SDK2: variants seen among roughly 807,000 people sequenced by gnomAD.
SDK2 encodes protein sidekick-2.
SDK2 carries 105 observed loss-of-function variants against 253.9 expected under a neutral mutation model. The observed-to-expected ratio is 0.41, with a 90% confidence interval of 0.35 to 0.49. The LOEUF is 0.49. SDK2 is among the 20% of genes least tolerant of loss of function. The pLI is 0.06. For synonymous variants in SDK2, 1,249 were observed against 1,234.9 expected (o/e 1.01, Z -0.24); for missense variants, 2,608 against 3,003.0 (o/e 0.87, Z 3.07).
intron 4 of SDK2, among the ~76,000 whole-genome samples, chr17:73,448,395 C>A (rs1004839718): frequency 6.6e-6 from 1 of 151,724 alleles, no homozygotes; most frequent in African/African-American, 2.4e-5. Flanking sequence ...GAGACAGTCT[C>A]GATCTGTTGC....
At chr17:73,429,685 G>A (rs1236846203) in intron 12 of SDK2, among the ~76,000 whole-genome samples, 1 of 152,206 alleles carries the variant, frequency 6.6e-6, no homozygotes, top group Non-Finnish European at 1.5e-5. Flanking sequence ...TCATAAAATA[G>A]AGAAGCAACA....
chr17:73,412,067 T>TATACAC (rs1568389373), intron 18 of SDK2, among the ~76,000 whole-genome samples: 2 of 25,214 alleles, frequency 7.9e-5, no homozygotes, highest in South Asian at 8.6e-4. Context: ...TATGTATATA[T>TATACAC]ACGTATATAT....
intron 1 of SDK2, among the ~76,000 whole-genome samples, chr17:73,539,487 G>C (rs1343401589): frequency 2.0e-5 from 3 of 151,280 alleles, no homozygotes; most frequent in Admixed American, 6.6e-5. Context: ...ACGCTGATGG[G>C]GAGAGGAGAG....
At chr17:73,389,314 GC>G (rs1435226520) in intron 29 of SDK2, among the ~76,000 whole-genome samples, 2 of 147,328 alleles carry the variant, frequency 1.4e-5, no homozygotes, top group Non-Finnish European at 2.9e-5. Flanking sequence ...CTTCCAAGTA[GC>G]TGGGGTTACT....
At chr17:73,595,058 C>G (rs762085036) in intron 1 of SDK2, among the ~76,000 whole-genome samples, 2 of 152,190 alleles carry the variant, frequency 1.3e-5, no homozygotes, top group African/African-American at 2.4e-5. Flanking sequence ...AAGACTTCGG[C>G]CTGTTTCTGT....
At chr17:73,353,920 G>A (rs139563580) in intron 40 of SDK2, among the ~76,000 whole-genome samples, 218 of 152,132 alleles carry the variant, frequency 1.4e-3, no homozygotes, top group African/African-American at 5.0e-3. Context: ...GGCCAGGCTG[G>A]TCTTGAACTC....
chr17:73,380,838 C>T lies in SDK2; in HGVS notation c.4762+56G>A, dbSNP rs1318784445. ...TCAGGTCTCTCAAGGAGGCCCCACT[C>T]CCAATCCCCTGCGAGGCCTGGGCCC... is the stretch of plus-strand genomic sequence containing the variant. On this transcript the variant is annotated intron_variant, in intron 34 of 44. Coordinates refer to ENST00000392650, the MANE Select transcript of SDK2 (RefSeq NM_001144952.2). The T allele has an allele frequency of 2.7e-6, 4 of 1,481,342 alleles. No homozygotes were observed. The East Asian group carries it at 9.8e-5, about 36-fold the overall frequency. 91.8% of individuals were successfully genotyped at this position (1,481,342 alleles called of 1,614,324 possible). A position where few individuals can be genotyped will look rare whatever the true frequency, so the allele number is the denominator to read the frequency against.
chr17:73,395,186 G>T lies in SDK2; in HGVS notation c.3561C>A (p.Ser1187Arg). The T allele has an allele frequency of 6.2e-7, 1 of 1,606,360 alleles. No homozygotes were observed. Residue 1187 changes from serine (S) to arginine (R), a missense_variant, in exon 25 of 45, where the codon AGC (serine) becomes AGA (arginine). By Grantham distance (110) the Ser-to-Arg change is moderately radical. Around this residue, in one of 2 missense-constraint regions of SDK2, gnomAD observed 1,505 missense variants for 1,859.1 expected, o/e 0.81. Coordinates refer to ENST00000392650, the MANE Select transcript of SDK2 (RefSeq NM_001144952.2). This position sits in a 1 kb window ranked among gnomAD's most constrained non-coding sequence, Gnocchi z 4.3. The stretch of plus-strand genomic sequence containing the variant: ...CCCGGGTCCTGCCCACCACCGTCTG[G>T]CTCCAGGGCCCGCTCCCGATGGCGT... ...AFNAIGSGPW[S>R]QTVVGRTRES...
At chr17:73,590,841 C>T (rs1266571073) in intron 1 of SDK2, among the ~76,000 whole-genome samples, 1 of 152,194 alleles carries the variant, frequency 6.6e-6, no homozygotes, top group Non-Finnish European at 1.5e-5. Flanking sequence ...TGTTTTCCTG[C>T]CCAGACTGCC....
rs990437298 is a variant in SDK2, at chr17:73,541,844, G to A, written c.65-34247C>T. On this transcript the variant is annotated intron_variant, in intron 1 of 44. Transcript: ENST00000392650. The surrounding 1 kb of genome is among the most constrained non-coding windows in gnomAD (Gnocchi z 4.3). ...ATTTAGAGCCGAGTGGAAGATCCTCGTCAATCGGGCTCATGGTTTGGTGGA... is the reference window on the plus strand; with the variant it reads ...ATTTAGAGCCGAGTGGAAGATCCTCATCAATCGGGCTCATGGTTTGGTGGA... Among the ~76,000 whole-genome samples the A allele has an allele frequency of 2.0e-5, 3 of 152,168 alleles. No individual in the cohort carries two copies. The highest frequency in any genetic ancestry group is 2.9e-5 in the Non-Finnish European group (2 of 68,034).
chr17:73,348,717 G>C lies in SDK2; in HGVS notation c.6047C>G (p.Pro2016Arg), dbSNP rs756827895. 11 of 1,606,826 alleles carry C rather than the reference G, an allele frequency of 6.8e-6. No individual in the cohort carries two copies. The highest frequency in any genetic ancestry group is 1.7e-5 in the Admixed American group (1 of 59,956). ...GTGCAGGCTGCCTGGGCTGGGCCTGGGGGGAGACCTGGAGAGAGCGGGGGA... is the reference window on the plus strand; with the variant it reads ...GTGCAGGCTGCCTGGGCTGGGCCTGCGGGGAGACCTGGAGAGAGCGGGGGA... ...RKNGLYTRSP[P>R]RPSPGSLHYS... The change falls in exon 44 of 45, where the codon CCC becomes CGC. Residue 2016 changes from proline (P) to arginine (R), a missense_variant. This residue lies in a region of SDK2 where 1,103 missense variants were observed against 1,143.9 expected (regional missense o/e 0.96). Transcript: ENST00000392650.
At chr17:73,367,329 C>T (rs1220013603) in intron 37 of SDK2, among the ~76,000 whole-genome samples, 3 of 151,868 alleles carry the variant, frequency 2.0e-5, no homozygotes, top group African/African-American at 4.8e-5. Flanking sequence ...ATAATTAATC[C>T]CAATCCCAAT....
At chr17:73,449,483 C>G (rs2063476223) in intron 4 of SDK2, among the ~76,000 whole-genome samples, 1 of 152,072 alleles carries the variant, frequency 6.6e-6, no homozygotes, top group Non-Finnish European at 1.5e-5. Flanking sequence ...TCGCCCCACT[C>G]TCTCCTGGTT....
In SDK2 at chr17:73,385,914, G is replaced by A; in HGVS notation, c.4502C>T (p.Pro1501Leu). The change falls in exon 32 of 45, where the codon CCC becomes CTC. Residue 1501 changes from proline (P) to leucine (L), a missense_variant. This residue lies in a region of SDK2 where 1,103 missense variants were observed against 1,143.9 expected (regional missense o/e 0.96). Coordinates refer to ENST00000392650, the MANE Select transcript of SDK2 (RefSeq NM_001144952.2). ...GGAGAGGATGGTGGGTGCTTCATCG[G>A]GGGCTGTGGAGAGAAGCAGACAGGT... ...SESLTTLQAA[P>L]DEAPTILSVT... 6.2e-7 allele frequency: 1 copy of A among 1,602,940 alleles called. No individual in the cohort carries two copies. Among genetic ancestry groups the A allele is most frequent in the Non-Finnish European group, 8.5e-7 (1 of 1,175,376 alleles).
intron 2 of SDK2, among the ~76,000 whole-genome samples, chr17:73,489,454 C>G (rs1000609482): frequency 6.6e-6 from 1 of 152,136 alleles, no homozygotes; most frequent in Admixed American, 6.5e-5. Flanking sequence ...GAGGGGGGTA[C>G]CAGGCAGGGA....
chr17:73,600,056 TAAAC>T (rs1306484530), intron 1 of SDK2, among the ~76,000 whole-genome samples: 2 of 152,360 alleles, frequency 1.3e-5, no homozygotes, highest in East Asian at 3.9e-4. Flanking sequence ...GGTTGCTAAA[TAAAC>T]AACCACAAGC....
chr17:73,386,687 T>C, intron 30 of SDK2, 139 bp from the exon 31 acceptor site: 1 of 636,264 alleles, frequency 1.6e-6, no homozygotes, highest in Non-Finnish European at 2.8e-6. Flanking sequence ...AAGGGCACAC[T>C]GAGGCTCAGA....
chr17:73,578,109 G>T (rs1599695127), intron 1 of SDK2, among the ~76,000 whole-genome samples: 1 of 151,210 alleles, frequency 6.6e-6, no homozygotes, highest in Admixed American at 6.6e-5. Flanking sequence ...ACCCAGGCTG[G>T]AGTGCAATGG....
Position 73,424,018 on chromosome 17 carries a change from G to C in SDK2, c.1658C>G (p.Ser553Cys). The change falls in exon 13 of 45, where the codon TCC (serine) becomes TGC (cysteine). Residue 553 changes from serine to cysteine, a missense_variant. This residue lies in a region of SDK2 where 1,505 missense variants were observed against 1,859.1 expected (regional missense o/e 0.81). Coordinates refer to ENST00000392650, the MANE Select transcript of SDK2 (RefSeq NM_001144952.2). ...HPRIRLDRNG[S>C]LHISQTWSGD... is the part of the protein sequence containing the mutation. The stretch of plus-strand genomic sequence containing the variant: ...CGACCACGTCTGTGAGATGTGCAGG[G>C]AGCCGTTTCTGTCCAGGCGGATACG... 1 of 1,612,580 alleles carries C rather than the reference G, an allele frequency of 6.2e-7. No individual in the cohort carries two copies. Among genetic ancestry groups the C allele is most frequent in the East Asian group, 2.2e-5 (1 of 44,848 alleles).
Sources: allele counts gnomAD v4.1 joint callset (sites outside exome capture counted in the v4.1 genomes callset), GRCh38; gene constraint gnomAD v4.1.1; regional missense constraint gnomAD v4.1.1; non-coding constraint Gnocchi (gnomAD v3.1); transcripts MANE v1.5; gene names NCBI Gene and HGNC (gene_info 2026-07-23, HGNC 2026-07-21).